GPR137C: variants seen among roughly 807,000 people sequenced by gnomAD.
GPR137C encodes G protein-coupled receptor 137C.
GPR137C carries 27 observed loss-of-function variants against 43.4 expected under a neutral mutation model. That is an observed-to-expected ratio of 0.62 (90% CI 0.46 to 0.86). The LOEUF is 0.86. GPR137C is among the 40% of genes least tolerant of loss of function. The pLI is 0.00. For missense variants in GPR137C, 522 were observed against 534.6 expected, an observed-to-expected ratio of 0.98 and a Z score of 0.23; for synonymous variants, 285 against 226.9, an observed-to-expected ratio of 1.26 and a Z score of -2.30.
intron 3 of GPR137C, among the ~76,000 whole-genome samples, chr14:52,621,843 A>G (rs1245700000): frequency 6.6e-6 from 1 of 151,686 alleles, no homozygotes; most frequent in African/African-American, 2.4e-5. Context: ...TGTATATTAT[A>G]TCTATTAATA....
At chr14:52,597,436 A>C (rs1465138127) in intron 1 of GPR137C, among the ~76,000 whole-genome samples, 1 of 152,206 alleles carries the variant, frequency 6.6e-6, no homozygotes, top group East Asian at 1.9e-4. Context: ...ATTTTTCTTC[A>C]TAATGTACTT....
At chr14:52,578,355 C>G (rs2038594835) in intron 1 of GPR137C, among the ~76,000 whole-genome samples, 1 of 151,978 alleles carries the variant, frequency 6.6e-6, no homozygotes, top group Admixed American at 6.6e-5. Context: ...TCCTATTTTG[C>G]ATCTGTCTTC....
At position 52,558,274 on chromosome 14, in the gene GPR137C, A is replaced by T. The variant is rs116391616; in HGVS notation, c.444+4683A>T. On this transcript the variant is annotated intron_variant, in intron 1 of 6. Coordinates refer to ENST00000321662, the MANE Select transcript of GPR137C (RefSeq NM_001099652.2). ...AGGCTGTGCCTTGCAGTGAGGTCTT[A>T]TAAAAGACTTCATCCCCTCCAGCAT... Among the ~76,000 whole-genome samples the T allele has an allele frequency of 3.0e-3, 462 of 152,238 alleles. 2 individuals are homozygous for T. The highest frequency in any genetic ancestry group is 0.011 in the African/African-American group (443 of 41,528).
At chr14:52,588,304 C>T (rs553080439) in intron 1 of GPR137C, among the ~76,000 whole-genome samples, 1 of 152,232 alleles carries the variant, frequency 6.6e-6, no homozygotes, top group Admixed American at 6.5e-5. Context: ...GCCACCACTC[C>T]TGGCTGCTTT....
intron 3 of GPR137C, among the ~76,000 whole-genome samples, chr14:52,601,704 G>A (rs1371565316): frequency 2.6e-5 from 4 of 152,006 alleles, no homozygotes; most frequent in Non-Finnish European, 5.9e-5. Context: ...TTTGGTAGGA[G>A]CAATGGCATC....
chr14:52,554,545 C>T (rs1198774316), intron 1 of GPR137C, among the ~76,000 whole-genome samples: 2 of 151,826 alleles, frequency 1.3e-5, no homozygotes, highest in Non-Finnish European at 2.9e-5. Flanking sequence ...TAAGACTTTC[C>T]CCCAAAAAAG....
chr14:52,553,169 C>T lies in GPR137C; in HGVS notation c.22C>T (p.Pro8Ser). Residue 8 changes from proline (P) to serine (S), a missense_variant, in exon 1 of 7, where the codon CCG becomes TCG. By Grantham distance (74) the Pro-to-Ser change is moderately conservative (BLOSUM62 -1). Coordinates refer to ENST00000321662, the MANE Select transcript of GPR137C (RefSeq NM_001099652.2). MRVSVPG[P>S]AAAAAPAAGR... ...CCTCATGAGGGTGTCCGTGCCGGGT[C>T]CGGCGGCCGCTGCCGCCCCCGCAGC... The T allele has an allele frequency of 8.5e-7, 1 of 1,177,424 alleles. No homozygotes were observed. The highest frequency in any genetic ancestry group is 1.0e-6 in the Non-Finnish European group (1 of 955,376). 72.9% of individuals were successfully genotyped at this position (1,177,424 alleles called of 1,614,324 possible).
intron 3 of GPR137C, among the ~76,000 whole-genome samples, chr14:52,616,048 T>C (rs1378103283): frequency 6.6e-6 from 1 of 152,216 alleles, no homozygotes; most frequent in Non-Finnish European, 1.5e-5. Flanking sequence ...CTAATACAGG[T>C]ATTTAGAGCA....
intron 3 of GPR137C, among the ~76,000 whole-genome samples, chr14:52,627,656 C>T (rs555384275): frequency 6.6e-6 from 1 of 151,986 alleles, no homozygotes; most frequent in African/African-American, 2.4e-5. Context: ...CCATCCTGGC[C>T]AACGTGGTGA....
intron 1 of GPR137C, among the ~76,000 whole-genome samples, chr14:52,574,292 A>T (rs1249320989): frequency 1.3e-5 from 2 of 152,220 alleles, no homozygotes; most frequent in Non-Finnish European, 2.9e-5. Flanking sequence ...GGCACTGTTC[A>T]CATTAGCAAA....
At chr14:52,598,194 T>C (rs898626206) in intron 1 of GPR137C, 78 bp from the exon 2 acceptor site, 1 of 550,980 alleles carries the variant, frequency 1.8e-6, no homozygotes, top group African/African-American at 2.0e-5. Context: ...GGTAGCACTT[T>C]AAAACACAAA....
In GPR137C at chr14:52,603,460, C is replaced by T. The variant is rs1167326590; in HGVS notation, c.717+3119C>T. Reference sequence around the variant, plus strand: ...AATTTCCTTTCTCTTGGATATCTACCCAGCAGTGAGATTTCTGGATCATAT... The same window carrying T: ...AATTTCCTTTCTCTTGGATATCTACTCAGCAGTGAGATTTCTGGATCATAT... On this transcript the variant is annotated intron_variant, in intron 3 of 6. Coordinates refer to ENST00000321662, the MANE Select transcript of GPR137C (RefSeq NM_001099652.2). Among the ~76,000 whole-genome samples the T allele has an allele frequency of 3.3e-5, 5 of 152,200 alleles. No individual in the cohort carries two copies. In the East Asian group the frequency reaches 9.6e-4, roughly 29 times the overall value.
intron 3 of GPR137C, among the ~76,000 whole-genome samples, chr14:52,628,234 A>T (rs1225279355): frequency 6.6e-6 from 1 of 152,240 alleles, no homozygotes; most frequent in East Asian, 1.9e-4. Flanking sequence ...TTTGACAAAG[A>T]TGGTAAAGCA....
rs1251868781 is a variant in GPR137C at position 52,621,628 on chromosome 14, G to T, written c.718-10532G>T. On this transcript the variant is annotated intron_variant, in intron 3 of 6. Transcript: ENST00000321662. ...CTGTGTATTATATATAACAACCATA[G>T]CATAAAGGAGAGGTTGTAAATGGAT... Among the ~76,000 whole-genome samples the T allele has an allele frequency of 6.6e-5, 10 of 151,836 alleles. No individual in the cohort carries two copies. In the East Asian group the frequency reaches 1.9e-3, roughly 29 times the overall value.
intron 4 of GPR137C, 111 bp downstream of exon 4, chr14:52,632,420 A>G: frequency 1.4e-6 from 1 of 731,764 alleles, no homozygotes; most frequent in Non-Finnish European, 2.3e-6. Flanking sequence ...ATCTCTGTCT[A>G]CTGTCAGTAA....
chr14:52,602,141 A>C (rs1003674218), intron 3 of GPR137C, among the ~76,000 whole-genome samples: 2 of 151,358 alleles, frequency 1.3e-5, no homozygotes, highest in Admixed American at 6.6e-5. Flanking sequence ...ACTAGATTAT[A>C]AACTTCTGTA....
intron 3 of GPR137C, among the ~76,000 whole-genome samples, chr14:52,625,386 G>T (rs1450035220): frequency 6.6e-6 from 1 of 150,380 alleles, no homozygotes. Context: ...GGAGACTGAG[G>T]CAGGAGAATC....
chr14:52,567,584 C>T (rs1395595339), intron 1 of GPR137C, among the ~76,000 whole-genome samples: 1 of 151,570 alleles, frequency 6.6e-6, no homozygotes, highest in Non-Finnish European at 1.5e-5. Flanking sequence ...CTTTTTCTGT[C>T]GTACTCTAGA....
At chr14:52,585,791 C>A (rs2038705427) in intron 1 of GPR137C, among the ~76,000 whole-genome samples, 1 of 151,982 alleles carries the variant, frequency 6.6e-6, no homozygotes. Flanking sequence ...GCTGAGATTG[C>A]ACCACTGCAT....
Sources: allele counts gnomAD v4.1 joint callset (sites outside exome capture counted in the v4.1 genomes callset), GRCh38; gene constraint gnomAD v4.1.1; transcripts MANE v1.5; gene names NCBI Gene and HGNC (gene_info 2026-07-23, HGNC 2026-07-21).